The following KBTBD11 variants were observed in gnomAD, a reference collection of about 807,000 sequenced individuals.
The protein encoded by KBTBD11 is kelch repeat and BTB domain containing 11, also known as kelch repeat and BTB domain-containing protein 11.
For synonymous variants in KBTBD11, 747 were observed against 499.0 expected, an observed-to-expected ratio of 1.50 and a Z score of -6.63; for missense variants, 1,390 against 1,001.8, an observed-to-expected ratio of 1.39 and a Z score of -5.23.
chr8:1,981,525 G>C (rs1816540454), intron 1 of KBTBD11, among the ~76,000 whole-genome samples: 1 of 152,172 alleles, frequency 6.6e-6, no homozygotes, highest in African/African-American at 2.4e-5. Flanking sequence ...TAGATTAAGG[G>C]ACACCCCAAT....
At position 2,002,389 on chromosome 8, in the gene KBTBD11, C is replaced by A. The variant is rs1232974275; in HGVS notation, c.1197C>A (p.Arg399=). The part of the protein sequence containing the change: ...TDSWSAVRPL[R]QARSQLRLLA... ...GCTGGAGCGCCGTGAGGCCCCTGCG[C>A]CAGGCGCGCTCGCAGCTGCGGCTGC... The change falls in exon 2 of 2, where the codon CGC becomes CGA. Residue 399 remains arginine (R), a synonymous_variant. Transcript: ENST00000320248. This position sits in a 1 kb window ranked among gnomAD's most constrained non-coding sequence, Gnocchi z 4.1. 1 of 1,480,558 alleles carries A rather than the reference C, an allele frequency of 6.8e-7. No homozygotes were observed. The highest frequency in any genetic ancestry group is 1.3e-5 in the South Asian group (1 of 79,330). 91.7% of individuals were successfully genotyped at this position (1,480,558 alleles called of 1,614,324 possible). A position where few individuals can be genotyped will look rare whatever the true frequency, so the allele number is the denominator to read the frequency against.
chr8:2,000,234 T>G (rs144115976), intron 1 of KBTBD11, 51 bp from the exon 2 acceptor site: 5 of 152,216 alleles, frequency 3.3e-5, no homozygotes, highest in Non-Finnish European at 7.4e-5. Flanking sequence ...TGACACGAAA[T>G]AACCTTACTG....
chr8:2,002,614 C>A lies in KBTBD11; in HGVS notation c.1422C>A (p.Asp474Glu). The A allele has an allele frequency of 1.9e-6, 3 of 1,584,296 alleles. No homozygotes were observed. Among genetic ancestry groups the A allele is most frequent in the East Asian group, 2.3e-5 (1 of 43,700 alleles). ...GSLFYRLLKY[D>E]PRRDEWQECP... is the part of the protein sequence containing the mutation. ...TCTTCTATCGCCTGCTCAAGTATGACCCGCGGCGCGACGAGTGGCAGGAGT... is the reference window on the plus strand; with the variant it reads ...TCTTCTATCGCCTGCTCAAGTATGAACCGCGGCGCGACGAGTGGCAGGAGT... Residue 474 changes from aspartate (D) to glutamate (E), a missense_variant, in exon 2 of 2, where the codon GAC becomes GAA. Coordinates refer to ENST00000320248, the MANE Select transcript of KBTBD11 (RefSeq NM_014867.3). The surrounding 1 kb of genome is among the most constrained non-coding windows in gnomAD (Gnocchi z 4.1).
chr8:1,974,865 A>G (rs904467479), intron 1 of KBTBD11: 1 of 247,048 alleles, frequency 4.0e-6, no homozygotes, highest in African/African-American at 2.3e-5. Context: ...CAGTGCAGCG[A>G]GCTTTATTCT....
chr8:1,996,657 G>T (rs1817153572), intron 1 of KBTBD11, among the ~76,000 whole-genome samples: 1 of 152,132 alleles, frequency 6.6e-6, no homozygotes, highest in African/African-American at 2.4e-5. Flanking sequence ...TAAGCTGACT[G>T]TAATGATTTG....
chr8:1,975,628 C>T (rs935659080), intron 1 of KBTBD11, among the ~76,000 whole-genome samples: 2 of 152,198 alleles, frequency 1.3e-5, no homozygotes, highest in Admixed American at 1.3e-4. Flanking sequence ...TTTCTCAGAA[C>T]CTGTCTGCAT....
At chr8:1,974,287 AC>A (rs1468459258) in intron 1 of KBTBD11, 29 of 982,744 alleles carry the variant, frequency 3.0e-5, no homozygotes, top group Middle Eastern at 5.2e-4. Context: ...GGACGCGGCA[AC>A]CCCGGCCGGA....
chr8:1,974,419 C>T (rs974826812), intron 1 of KBTBD11: 4 of 984,652 alleles, frequency 4.1e-6, no homozygotes, highest in African/African-American at 1.8e-5. Context: ...AGGGCGGGGG[C>T]TCCTCCCGGG....
chr8:2,001,260 A>G lies in KBTBD11; in HGVS notation c.68A>G (p.Glu23Gly). ...GAGCCCGGGGCTGCCGGGGAGAGCG[A>G]GAGCGAGGGCGCCGCGTCCCCGGCG... ...GTEPGAAGES[E>G]SEGAASPAQT... The change falls in exon 2 of 2, where the codon GAG becomes GGG. Residue 23 changes from glutamate to glycine, a missense_variant. Physicochemically the swap from Glu to Gly is moderately conservative, Grantham distance 98 (BLOSUM62 -2). Transcript: ENST00000320248. The G allele has an allele frequency of 6.6e-7, 1 of 1,513,110 alleles. No individual in the cohort carries two copies. Among genetic ancestry groups the G allele is most frequent in the Non-Finnish European group, 8.8e-7 (1 of 1,137,442 alleles). The allele number at this position is 1,513,110 out of a possible 1,614,324, so 93.7% of individuals were successfully genotyped here.
intron 1 of KBTBD11, among the ~76,000 whole-genome samples, chr8:1,992,052 C>T (rs904456910): frequency 2.0e-5 from 3 of 152,076 alleles, no homozygotes; most frequent in South Asian, 2.1e-4. Context: ...TTCAAACCCA[C>T]CCTCCCTCTT....
chr8:1,993,557 C>T (rs1234513745), intron 1 of KBTBD11, among the ~76,000 whole-genome samples: 1 of 93,902 alleles, frequency 1.1e-5, no homozygotes, highest in Non-Finnish European at 2.2e-5. Context: ...ACCCACCCAC[C>T]CATCCATCCA....
intron 1 of KBTBD11, among the ~76,000 whole-genome samples, chr8:1,981,917 G>A (rs1419728033): frequency 1.3e-5 from 2 of 152,170 alleles, no homozygotes; most frequent in African/African-American, 4.8e-5. Context: ...TCTCCAGCTT[G>A]CAGATAGCCT....
intron 1 of KBTBD11, among the ~76,000 whole-genome samples, chr8:1,985,465 C>G (rs567926377): frequency 1.3e-5 from 2 of 152,412 alleles, no homozygotes; most frequent in African/African-American, 4.8e-5. Flanking sequence ...ACAGCAGCGT[C>G]TGTCCTGGCG....
rs1248716592 is a variant in KBTBD11, at chr8:2,001,603, C to T, written c.411C>T (p.Tyr137=). 7 of 1,472,806 alleles carry T rather than the reference C, an allele frequency of 4.8e-6. No individual in the cohort carries two copies. Among genetic ancestry groups the T allele is most frequent in the South Asian group, 2.6e-5 (2 of 78,318 alleles). The allele number at this position is 1,472,806 out of a possible 1,614,324, so 91.2% of individuals were successfully genotyped here. A position where few individuals can be genotyped will look rare whatever the true frequency, so the allele number is the denominator to read the frequency against. The change falls in exon 2 of 2, where the codon TAC becomes TAT. Residue 137 remains tyrosine (Y), a synonymous_variant. Transcript: ENST00000320248. ...APVPPGFGAV[Y]GEPDLVLEVS... ...TACCCCCGGGGTTCGGGGCGGTGTACGGGGAGCCGGACCTGGTGCTGGAGG... is the reference window on the plus strand; with the variant it reads ...TACCCCCGGGGTTCGGGGCGGTGTATGGGGAGCCGGACCTGGTGCTGGAGG...
intron 1 of KBTBD11, among the ~76,000 whole-genome samples, chr8:1,989,726 A>C (rs1207103901): frequency 6.6e-6 from 1 of 152,148 alleles, no homozygotes. Context: ...CAGACACACG[A>C]GTGCCCCCTC....
At chr8:1,997,882 T>C (rs1330329664) in intron 1 of KBTBD11, among the ~76,000 whole-genome samples, 1 of 152,188 alleles carries the variant, frequency 6.6e-6, no homozygotes, top group Non-Finnish European at 1.5e-5. Context: ...AACGACAGAA[T>C]ACGATAGGGC....
intron 1 of KBTBD11, among the ~76,000 whole-genome samples, chr8:1,997,331 G>A (rs1366817143): frequency 6.6e-6 from 1 of 151,760 alleles, no homozygotes; most frequent in Non-Finnish European, 1.5e-5. Flanking sequence ...TGCCTCAGAG[G>A]ACTGCTAGAC....
At chr8:1,986,407 A>C (rs1438979165) in intron 1 of KBTBD11, among the ~76,000 whole-genome samples, 1 of 152,256 alleles carries the variant, frequency 6.6e-6, no homozygotes, top group African/African-American at 2.4e-5. Context: ...CAACGATGCA[A>C]ATAAACCCAT....
chr8:1,984,453 A>G (rs1305169203), intron 1 of KBTBD11, among the ~76,000 whole-genome samples: 1 of 151,744 alleles, frequency 6.6e-6, no homozygotes, highest in African/African-American at 2.4e-5. Flanking sequence ...ACACCTGGCT[A>G]ATTTTTTGTG....
Sources: allele counts gnomAD v4.1 joint callset (sites outside exome capture counted in the v4.1 genomes callset), GRCh38; gene constraint gnomAD v4.1.1; non-coding constraint Gnocchi (gnomAD v3.1); transcripts MANE v1.5; gene names NCBI Gene and HGNC (gene_info 2026-07-23, HGNC 2026-07-21).